Variants in SCN10A observed in about 807,000 individuals in gnomAD.
SCN10A encodes the protein sodium voltage-gated channel alpha subunit 10, also known as sodium channel protein type 10 subunit alpha.
Under a neutral mutation model 170.7 loss-of-function variants are expected in SCN10A, and 162 were observed. The observed-to-expected ratio is 0.95, with a 90% CI of 0.84 to 1.08. The LOEUF is 1.08. Among genes scored for constraint, SCN10A ranks in the 50% least tolerant of loss-of-function variants. SCN10A has a pLI of 0.00. For missense variants in SCN10A, 2,527 were observed against 2,436.9 expected (o/e 1.04, Z -0.78); for synonymous variants, 985 against 904.6 (o/e 1.09, Z -1.59).
rs2063121022 is a variant in SCN10A at position 38,698,412 on chromosome 3, G to T, written c.4808C>A (p.Ser1603Tyr). 1 of 1,614,074 alleles carries T rather than the reference G, an allele frequency of 6.2e-7. No individual in the cohort carries two copies. Among genetic ancestry groups the T allele is most frequent in the Admixed American group, 1.7e-5 (1 of 60,000 alleles). ...IRTLLFALMMSLPALFNIGLL... is the reference protein window; with the variant it reads ...IRTLLFALMMYLPALFNIGLL... ...CCCGATGTTGAAGAGGGCAGGCAGG[G>T]ACATCATGAGGGCAAAGAGCAGTGT... is the stretch of plus-strand genomic sequence containing the variant. The change falls in exon 28 of 28, where the codon TCC becomes TAC. Residue 1603 changes from serine (S) to tyrosine (Y), a missense_variant. Ser to Tyr is a moderately radical substitution (Grantham distance 144). Coordinates refer to ENST00000449082, the MANE Select transcript of SCN10A (RefSeq NM_006514.4).
chr3:38,705,847 T>C (rs912501376), intron 26 of SCN10A, among the ~76,000 whole-genome samples: 6 of 152,186 alleles, frequency 3.9e-5, no homozygotes, highest in Admixed American at 3.3e-4. Flanking sequence ...CTCAGCTGCT[T>C]GCTTCTCAGT....
At chr3:38,800,334 C>T (rs537466150) in intron 1 of SCN10A, among the ~76,000 whole-genome samples, 5 of 152,170 alleles carry the variant, frequency 3.3e-5, no homozygotes, top group Non-Finnish European at 7.3e-5. Flanking sequence ...TCCTGGACTC[C>T]ACCTGAAAAG....
chr3:38,725,306 CT>C lies in SCN10A; in HGVS notation c.3095del (p.Gln1032ArgfsTer12), dbSNP rs760664319. On this transcript the variant is annotated frameshift_variant, in exon 18 of 28. Transcript: ENST00000449082. LOFTEE classifies it high-confidence loss of function. ...CCCCACACCTCTCGACTTGCTGCAG[CT>C]GCTCCTGCTAGTGAGAGAGGGTCCC... ...QEVIPKGQQE[Q>X]LQQVERCGDH... The C allele has an allele frequency of 7.6e-6, 12 of 1,576,984 alleles. No homozygotes were observed. The highest frequency in any genetic ancestry group is 1.0e-5 in the Non-Finnish European group (12 of 1,151,648).
At chr3:38,738,115 A>G (rs1224111735) in intron 15 of SCN10A, among the ~76,000 whole-genome samples, 1 of 151,276 alleles carries the variant, frequency 6.6e-6, no homozygotes, top group Non-Finnish European at 1.5e-5. Flanking sequence ...TAATTTTTTC[A>G]TTTTTTGTAG....
At chr3:38,713,842 G>T in intron 22 of SCN10A, 116 bp downstream of exon 22, 1 of 1,208,138 alleles carries the variant, frequency 8.3e-7, no homozygotes, top group Non-Finnish European at 1.2e-6. Context: ...TGGCCAGGGT[G>T]GTTTTGAACT....
intron 26 of SCN10A, among the ~76,000 whole-genome samples, chr3:38,704,682 T>C (rs567926424): frequency 4.6e-5 from 7 of 152,360 alleles, no homozygotes; most frequent in Admixed American, 1.3e-4. Flanking sequence ...GTGGAATCCT[T>C]AACTTTTCCT....
At chr3:38,731,689 C>T (rs1367966118) in intron 15 of SCN10A, among the ~76,000 whole-genome samples, 1 of 152,198 alleles carries the variant, frequency 6.6e-6, no homozygotes, top group Non-Finnish European at 1.5e-5. Flanking sequence ...AGCTTGCTGA[C>T]GTCATGGACT....
At chr3:38,715,127 A>C (rs2063321599) in intron 21 of SCN10A, among the ~76,000 whole-genome samples, 1 of 152,216 alleles carries the variant, frequency 6.6e-6, no homozygotes, top group Non-Finnish European at 1.5e-5. Flanking sequence ...AGACATCAGC[A>C]GGTGAGACCC....
At chr3:38,813,962 T>C (rs142973753) in intron 1 of SCN10A, among the ~76,000 whole-genome samples, 1 of 152,304 alleles carries the variant, frequency 6.6e-6, no homozygotes, top group East Asian at 1.9e-4. Flanking sequence ...GGGCTGCTAA[T>C]ATGTGCAAAG....
intron 4 of SCN10A, among the ~76,000 whole-genome samples, chr3:38,777,428 G>A (rs1446643093): frequency 1.3e-5 from 2 of 152,046 alleles, no homozygotes; most frequent in African/African-American, 4.8e-5. Context: ...ATTATAAAAT[G>A]TAGAAAAATA....
Position 38,698,421 on chromosome 3 carries a change from A to C in SCN10A, c.4799T>G (p.Leu1600Arg). The C allele has an allele frequency of 6.2e-7, 1 of 1,614,194 alleles. No individual in the cohort carries two copies. The highest frequency in any genetic ancestry group is 1.3e-5 in the African/African-American group (1 of 75,054). The change falls in exon 28 of 28, where the codon CTC (leucine) becomes CGC (arginine). Residue 1600 changes from leucine to arginine, a missense_variant. By Grantham distance (102) the Leu-to-Arg change is moderately radical. Transcript: ENST00000449082. ...AKGIRTLLFA[L>R]MMSLPALFNI... ...GAAGAGGGCAGGCAGGGACATCATG[A>C]GGGCAAAGAGCAGTGTGCGGATCCC...
At chr3:38,811,452 C>CAAAA (rs11400508) in intron 1 of SCN10A, among the ~76,000 whole-genome samples, 11 of 128,006 alleles carry the variant, frequency 8.6e-5, no homozygotes, top group African/African-American at 2.5e-4. Flanking sequence ...GACTCCATCT[C>CAAAA]AAAAAAAAAA....
Position 38,710,916 on chromosome 3 carries a change from G to A in SCN10A, c.4090-19C>T, listed in dbSNP as rs77494117. The stretch of plus-strand genomic sequence containing the variant: ...AGGTTGCCTGGAGACAAGGAGCAGA[G>A]GCCACTCAGTGTCTGCCCATCCATC... On this transcript the variant is annotated intron_variant, in intron 23 of 27. Coordinates refer to ENST00000449082, the MANE Select transcript of SCN10A (RefSeq NM_006514.4). 3,896 of 1,610,534 alleles carry A rather than the reference G, an allele frequency of 2.4e-3. 78 individuals carry two copies. In the African/African-American group the frequency reaches 0.048, roughly 20 times the overall value.
chr3:38,813,542 T>C (rs2064453674), intron 1 of SCN10A, among the ~76,000 whole-genome samples: 2 of 152,324 alleles, frequency 1.3e-5, no homozygotes, highest in East Asian at 3.9e-4. Context: ...ATTATGGCCA[T>C]GTCACAATTG....
chr3:38,711,064 T>C (rs1204218232), intron 23 of SCN10A, among the ~76,000 whole-genome samples, 167 bp from the exon 24 acceptor site: 2 of 152,238 alleles, frequency 1.3e-5, no homozygotes, highest in Non-Finnish European at 2.9e-5. Flanking sequence ...TAATCTCATA[T>C]GATGATTTAA....
rs774192739 is a variant in SCN10A at position 38,697,635 on chromosome 3, T to C, written c.5585A>G (p.Tyr1862Cys). ...GGAGCGGTGCAGCACATAGCTCCGA[T>C]AGGCCTTTTGAATGACAGTGGCTGA... ...DISATVIQKA[Y>C]RSYVLHRSMA... is the part of the protein sequence containing the mutation. Residue 1862 changes from tyrosine (Y) to cysteine (C), a missense_variant, in exon 28 of 28, where the codon TAT becomes TGT. Physicochemically the swap from Tyr to Cys is radical, Grantham distance 194. Transcript: ENST00000449082. The C allele has an allele frequency of 2.5e-6, 4 of 1,614,054 alleles. No homozygotes were observed. The highest frequency in any genetic ancestry group is 2.2e-5 in the South Asian group (2 of 91,084).
At chr3:38,711,458 A>G (rs1363323695) in intron 23 of SCN10A, among the ~76,000 whole-genome samples, 1 of 152,160 alleles carries the variant, frequency 6.6e-6, no homozygotes, top group African/African-American at 2.4e-5. Context: ...AGCTGTTTTA[A>G]TTCACCTATT....
Position 38,710,863 on chromosome 3 carries a change from G to A in SCN10A, c.4124C>T (p.Ala1375Val). Reference sequence around the variant, plus strand: ...ACTCACCTCCCGGGAATCAACAGCTGCATACATAATGTCCATCCAGCCTTT... The same window carrying A: ...ACTCACCTCCCGGGAATCAACAGCTACATACATAATGTCCATCCAGCCTTT... ...TFKGWMDIMY[A>V]AVDSREVNMQ... Residue 1375 changes from alanine (A) to valine (V), a missense_variant, in exon 24 of 28, where the codon GCA (alanine) becomes GTA (valine). Ala to Val is a moderately conservative substitution (Grantham distance 64, BLOSUM62 0). Coordinates refer to ENST00000449082, the MANE Select transcript of SCN10A (RefSeq NM_006514.4). 1.2e-6 allele frequency: 2 copies of A among 1,613,810 alleles called. No individual in the cohort carries two copies. The highest frequency in any genetic ancestry group is 1.7e-6 in the Non-Finnish European group (2 of 1,179,870).
rs1307130856 is a variant in SCN10A, at chr3:38,752,523, C to A, written c.1462-11G>T. On this transcript the variant is annotated splice_polypyrimidine_tract_variant and intron_variant, in intron 11 of 27. Coordinates refer to ENST00000449082, the MANE Select transcript of SCN10A (RefSeq NM_006514.4). ...GAGGCCTAGAAAAGACTGGGCATTG[C>A]CCCAAAGGAGCAAGAAGGCTGGAAA... 1 of 1,539,248 alleles carries A rather than the reference C, an allele frequency of 6.5e-7. No individual in the cohort carries two copies. Among genetic ancestry groups the A allele is most frequent in the Non-Finnish European group, 8.7e-7 (1 of 1,142,954 alleles).
Sources: gnomAD v4.1 joint callset for allele counts (sites outside exome capture counted in the v4.1 genomes callset) on GRCh38, gnomAD v4.1.1 for gene constraint, MANE v1.5 for transcripts, NCBI Gene and HGNC (gene_info 2026-07-23, HGNC 2026-07-21) for gene names.